Variants in F13A1 observed in about 807,000 individuals in gnomAD.
F13A1 encodes the protein coagulation factor XIII A chain.
In F13A1, 47 loss-of-function variants were observed where a neutral mutation model predicts 80.1. The ratio of observed to expected loss-of-function variants is 0.59; its 90% CI spans 0.46 to 0.75. The LOEUF is 0.75. Ranked by LOEUF, F13A1 falls within the 30% of genes least tolerant of loss-of-function variation. F13A1 has a pLI of 0.00. For synonymous variants in F13A1, 349 were observed against 344.9 expected, an observed-to-expected ratio of 1.01 and a Z score of -0.13; for missense variants, 817 against 930.4, an observed-to-expected ratio of 0.88 and a Z score of 1.59.
At chr6:6,190,152 C>T (rs1320519735) in intron 10 of F13A1, among the ~76,000 whole-genome samples, 1 of 151,870 alleles carries the variant, frequency 6.6e-6, no homozygotes, top group African/African-American at 2.4e-5. Context: ...TTTTCAACTT[C>T]TTTGCCTTTG....
At chr6:6,253,834 T>C (rs1337674057) in intron 4 of F13A1, among the ~76,000 whole-genome samples, 1 of 152,164 alleles carries the variant, frequency 6.6e-6, no homozygotes, top group Admixed American at 6.5e-5. Context: ...TAGGTAAAAA[T>C]AGATCTGATC....
At chr6:6,188,918 G>C (rs1477552083) in intron 10 of F13A1, among the ~76,000 whole-genome samples, 1 of 70,580 alleles carries the variant, frequency 1.4e-5, no homozygotes, top group Non-Finnish European at 2.4e-5. Flanking sequence ...TGTATTGGGT[G>C]CATATATATT....
chr6:6,312,665 A>C (rs62408036), intron 2 of F13A1, among the ~76,000 whole-genome samples: 109,494 of 150,206 alleles, frequency 0.73, 40,293 homozygotes, highest in East Asian at 0.85. Context: ...GTGACAGAGC[A>C]AGACTCCGTC....
rs569216506 is a variant in F13A1 at position 6,272,206 on chromosome 6, G to A, written c.320-5397C>T. Among the ~76,000 whole-genome samples the A allele has an allele frequency of 3.3e-5, 5 of 152,248 alleles. No individual in the cohort carries two copies. In the South Asian group the frequency reaches 1.0e-3, roughly 32 times the overall value. On this transcript the variant is annotated intron_variant, in intron 3 of 14. Transcript: ENST00000264870. ...TGCCTTTTAAAAAATTAATCTTTTG[G>A]GTTAGTTGATGGCTTTGAAATATTT...
At chr6:6,268,934 C>T (rs1757882003) in intron 3 of F13A1, among the ~76,000 whole-genome samples, 2 of 151,348 alleles carry the variant, frequency 1.3e-5, no homozygotes, top group South Asian at 4.2e-4. Flanking sequence ...AGGTGTTCCC[C>T]CCCGCCTCAG....
At chr6:6,279,894 C>G (rs1408881534) in intron 3 of F13A1, among the ~76,000 whole-genome samples, 1 of 152,146 alleles carries the variant, frequency 6.6e-6, no homozygotes, top group Non-Finnish European at 1.5e-5. Context: ...GACATTTTTG[C>G]TAAAACAGTC....
At chr6:6,163,639 C>T (rs1229435046) in intron 13 of F13A1, among the ~76,000 whole-genome samples, 1 of 152,134 alleles carries the variant, frequency 6.6e-6, no homozygotes, top group Non-Finnish European at 1.5e-5. Context: ...TGGTCTCTGG[C>T]TCCATTCGTG....
intron 13 of F13A1, among the ~76,000 whole-genome samples, chr6:6,159,562 G>A (rs1760537504): frequency 6.6e-6 from 1 of 152,176 alleles, no homozygotes; most frequent in African/African-American, 2.4e-5. Context: ...TGCAGGGCTT[G>A]ATGGTTGGCG....
At chr6:6,204,517 C>T (rs541105623) in intron 8 of F13A1, among the ~76,000 whole-genome samples, 2 of 152,268 alleles carry the variant, frequency 1.3e-5, no homozygotes, top group East Asian at 1.9e-4. Flanking sequence ...TAATACATTC[C>T]GAATACAGAC....
rs3024372 is a variant in F13A1 at position 6,250,672 on chromosome 6, T to A, written c.690+139A>T. On this transcript the variant is annotated intron_variant, in intron 5 of 14. Transcript: ENST00000264870. The surrounding 1 kb of genome is among the most constrained non-coding windows in gnomAD (Gnocchi z 4.2). ...TTTATGAGTCCCTACTCCTATGCTC[T>A]CTGCCTTGGAGTCTCAGATCCTAAA... 2.7e-3 allele frequency: 1,852 copies of A among 685,488 alleles called. 27 individuals carry two copies. The African/African-American group carries it at 0.029, about 11-fold the overall frequency. The allele number at this position is 685,488 out of a possible 1,614,324, so 42.5% of individuals were successfully genotyped here.
chr6:6,312,482 C>T (rs192181430), intron 2 of F13A1, among the ~76,000 whole-genome samples: 17,347 of 43,356 alleles, frequency 0.4, 3,865 homozygotes, highest in East Asian at 0.59. Flanking sequence ...CCATCTTGGC[C>T]AATATGGTGA....
intron 13 of F13A1, among the ~76,000 whole-genome samples, chr6:6,164,105 A>T (rs1184850855): frequency 6.6e-6 from 1 of 152,098 alleles, no homozygotes; most frequent in Non-Finnish European, 1.5e-5. Flanking sequence ...GAACTTGAAC[A>T]TGTTTACAGG....
intron 3 of F13A1, among the ~76,000 whole-genome samples, chr6:6,289,735 G>C (rs1428145315): frequency 1.3e-5 from 2 of 151,900 alleles, no homozygotes; most frequent in African/African-American, 4.8e-5. Flanking sequence ...GCTGTTTATA[G>C]AATTACATCT....
chr6:6,279,564 G>T (rs1460017376), intron 3 of F13A1, among the ~76,000 whole-genome samples: 1 of 152,142 alleles, frequency 6.6e-6, no homozygotes, highest in African/African-American at 2.4e-5. Context: ...GAACATGAAG[G>T]TCACTGACCA....
At chr6:6,170,526 T>C (rs1236747828) in intron 12 of F13A1, among the ~76,000 whole-genome samples, 1 of 152,220 alleles carries the variant, frequency 6.6e-6, no homozygotes. Flanking sequence ...CTATGAGCGG[T>C]AGGGCTGGGA....
intron 1 of F13A1, among the ~76,000 whole-genome samples, 193 bp downstream of exon 1, chr6:6,320,394 G>A (rs1758758558): frequency 6.6e-6 from 1 of 152,238 alleles, no homozygotes; most frequent in African/African-American, 2.4e-5. Context: ...GAGCCTGAGA[G>A]AAGTCCCGCT....
At chr6:6,282,134 A>T (rs1758075915) in intron 3 of F13A1, among the ~76,000 whole-genome samples, 1 of 152,214 alleles carries the variant, frequency 6.6e-6, no homozygotes, top group Admixed American at 6.5e-5. Context: ...GAGGTAAAAT[A>T]CTAATGAGCA....
intron 8 of F13A1, among the ~76,000 whole-genome samples, chr6:6,198,547 C>A: frequency 6.6e-6 from 1 of 152,166 alleles, no homozygotes; most frequent in African/African-American, 2.4e-5. Context: ...CTGAGTGCAG[C>A]CCATTTTTGA....
At chr6:6,275,045 G>A (rs1220957416) in intron 3 of F13A1, among the ~76,000 whole-genome samples, 5 of 152,194 alleles carry the variant, frequency 3.3e-5, no homozygotes, top group African/African-American at 1.2e-4. Flanking sequence ...CCATTGAAAA[G>A]CTTAAGTGAT....
Sources: allele counts gnomAD v4.1 joint callset (sites outside exome capture counted in the v4.1 genomes callset), GRCh38; gene constraint gnomAD v4.1.1; non-coding constraint Gnocchi (gnomAD v3.1); transcripts MANE v1.5; gene names NCBI Gene and HGNC (gene_info 2026-07-23, HGNC 2026-07-21).